Variants in RORC observed in about 807,000 individuals in gnomAD.
RORC encodes RAR related orphan receptor C.
A neutral mutation model predicts 64.5 loss-of-function variants in RORC; 13 were observed. The ratio of observed to expected loss-of-function variants is 0.20; its 90% CI spans 0.13 to 0.32. RORC has a LOEUF of 0.32. Among genes scored for constraint, RORC ranks in the 10% least tolerant of loss-of-function variants. The probability of loss-of-function intolerance (pLI) is 1.00; values close to 1 mark genes in which losing one functional copy is unlikely to be tolerated. For missense variants in RORC, 468 were observed against 669.5 expected (o/e 0.70, Z 3.32); for synonymous variants, 277 against 259.3 (o/e 1.07, Z -0.65).
At chr1:151,817,418 A>G (rs1009442892) in intron 2 of RORC, 138 bp from the exon 3 acceptor site, 2 of 642,062 alleles carry the variant, frequency 3.1e-6, no homozygotes, top group Non-Finnish European at 5.6e-6. Context: ...TCCCTCTTGC[A>G]AAATGGAAGG....
At chr1:151,819,515 A>T (rs533626738) in intron 2 of RORC, among the ~76,000 whole-genome samples, 63 of 152,274 alleles carry the variant, frequency 4.1e-4, no homozygotes, top group Middle Eastern at 3.4e-3. Context: ...GTGGCCTAAG[A>T]CCAGAGATGG....
intron 4 of RORC, among the ~76,000 whole-genome samples, chr1:151,816,018 C>T (rs1346858837): frequency 2.0e-5 from 3 of 152,208 alleles, no homozygotes; most frequent in South Asian, 2.1e-4. Context: ...TGCACCCCTG[C>T]GTGCTTCCTT....
intron 10 of RORC, among the ~76,000 whole-genome samples, chr1:151,809,380 C>G (rs1651434395): frequency 6.6e-6 from 1 of 152,020 alleles, no homozygotes; most frequent in Non-Finnish European, 1.5e-5. Flanking sequence ...GGCGACAGAG[C>G]AAGTCTGCCT....
intron 1 of RORC, 80 bp downstream of exon 1, chr1:151,831,645 C>T (rs570413955): frequency 6.2e-7 from 1 of 1,607,054 alleles, no homozygotes; most frequent in Admixed American, 1.7e-5. Context: ...TCACTTCTTG[C>T]CCAGTCTCTT....
At chr1:151,816,109 C>T (rs1387656533) in intron 4 of RORC, among the ~76,000 whole-genome samples, 1 of 152,186 alleles carries the variant, frequency 6.6e-6, no homozygotes, top group Non-Finnish European at 1.5e-5. Flanking sequence ...CCAGCTCCAC[C>T]CTAGGCTCCT....
Position 151,830,569 on chromosome 1 carries a change from G to A in RORC, c.41-1111C>T, listed in dbSNP as rs2101680370. 6.8e-6 allele frequency among the ~76,000 whole-genome samples: 1 copy of A among 146,638 alleles called. No individual in the cohort carries two copies. Among genetic ancestry groups the A allele is most frequent in the East Asian group, 2.0e-4 (1 of 4,928 alleles). Reference sequence around the variant, plus strand: ...ACCCCCTATAGCTTCCCTAACCTCTGACTCTATTCTGTTATTTTTTTCCTT... The same window carrying A: ...ACCCCCTATAGCTTCCCTAACCTCTAACTCTATTCTGTTATTTTTTTCCTT... On this transcript the variant is annotated intron_variant, in intron 1 of 10. Transcript: ENST00000318247. This position sits in a 1 kb window ranked among gnomAD's most constrained non-coding sequence, Gnocchi z 4.0.
intron 10 of RORC, among the ~76,000 whole-genome samples, chr1:151,809,244 C>A (rs1028728917): frequency 6.6e-6 from 1 of 151,664 alleles, no homozygotes; most frequent in Admixed American, 6.6e-5. Flanking sequence ...ACTAAAAATA[C>A]AAAAATTAGC....
chr1:151,817,966 C>T (rs760190636), intron 2 of RORC, among the ~76,000 whole-genome samples: 2 of 152,250 alleles, frequency 1.3e-5, no homozygotes, highest in Non-Finnish European at 2.9e-5. Flanking sequence ...GCTTTGTGTA[C>T]ATCCGTGTGT....
intron 10 of RORC, among the ~76,000 whole-genome samples, chr1:151,810,939 T>C (rs775711534): frequency 6.6e-6 from 1 of 152,178 alleles, no homozygotes; most frequent in Non-Finnish European, 1.5e-5. Context: ...TTATATCACA[T>C]ACCACATTCT....
chr1:151,806,246 G>A lies in RORC; in HGVS notation c.*1226C>T, dbSNP rs1242704968. On this transcript the variant is annotated 3_prime_UTR_variant, in exon 11 of 11. Coordinates refer to ENST00000318247, the MANE Select transcript of RORC (RefSeq NM_005060.4). ...CACAGCTGTTTATGAAGCCAAGAGA[G>A]GTTCTGGGCAAGATCACAGCTGGGG... 4 of 153,520 alleles carry A rather than the reference G, an allele frequency of 2.6e-5. No individual in the cohort carries two copies. In the South Asian group the frequency reaches 6.2e-4, roughly 24 times the overall value. The allele number at this position is 153,520 out of a possible 1,614,324, so 9.5% of individuals were successfully genotyped here.
Position 151,812,962 on chromosome 1 carries a change from C to T in RORC, c.1270G>A (p.Val424Ile), listed in dbSNP as rs778439384. 1 of 1,612,458 alleles carries T rather than the reference C, an allele frequency of 6.2e-7. No homozygotes were observed. Among genetic ancestry groups the T allele is most frequent in the South Asian group, 1.1e-5 (1 of 91,032 alleles). Residue 424 changes from valine (V) to isoleucine (I), a missense_variant, in exon 9 of 11, where the codon GTT becomes ATT. Around this residue, in one of 5 missense-constraint regions of RORC, gnomAD observed 93 missense variants for 116.6 expected, o/e 0.80. Coordinates refer to ENST00000318247, the MANE Select transcript of RORC (RefSeq NM_005060.4). ...EDEIALYTAL[V>I]LINAHRPGLQ... ...CAACACTCACGGGCATTGATGAGAA[C>T]AAGGGCTGTGTAGAGGGCAATCTCA...
At chr1:151,814,307 A>G (rs1026322982) in intron 6 of RORC, 1 of 384,742 alleles carries the variant, frequency 2.6e-6, no homozygotes, top group Non-Finnish European at 4.7e-6. Flanking sequence ...AGGGTGCACC[A>G]AGGTCTGCAT....
rs1202847381 is a variant in RORC at position 151,814,992 on chromosome 1, C to G, written c.732G>C (p.Leu244=). ...TGCCGTAGCTGTCTGGGCCCTGTCC[C>G]AGTTCCCCAAGCCCAGGATGCCTGT... The part of the protein sequence containing the change: ...EEHRHPGLGE[L]GQGPDSYGSP... The change falls in exon 5 of 11, where the codon CTG becomes CTC. Residue 244 remains leucine, a synonymous_variant. Coordinates refer to ENST00000318247, the MANE Select transcript of RORC (RefSeq NM_005060.4). 2 of 1,614,192 alleles carry G rather than the reference C, an allele frequency of 1.2e-6. No individual in the cohort carries two copies. The highest frequency in any genetic ancestry group is 4.5e-5 in the East Asian group (2 of 44,890).
chr1:151,826,094 A>T, intron 2 of RORC: 1 of 1,449,316 alleles, frequency 6.9e-7, no homozygotes, highest in Non-Finnish European at 9.1e-7. Flanking sequence ...GTGCTTCTGG[A>T]CTGGGGGGTT....
chr1:151,811,641 G>A, intron 9 of RORC: 1 of 420,136 alleles, frequency 2.4e-6, no homozygotes, highest in East Asian at 3.6e-5. Context: ...AGAGATGAAA[G>A]GTATGAGAAT....
chr1:151,817,338 A>C, intron 2 of RORC, 58 bp from the exon 3 acceptor site: 1 of 1,205,094 alleles, frequency 8.3e-7, no homozygotes, highest in Non-Finnish European at 1.2e-6. Flanking sequence ...TTCAACCACC[A>C]TGTACCTGGG....
chr1:151,831,698 C>T (rs200106580), intron 1 of RORC, 27 bp downstream of exon 1: 1 of 1,610,976 alleles, frequency 6.2e-7, no homozygotes. Context: ...TCTCTTCCAC[C>T]TGCAGGCAGG....
intron 4 of RORC, among the ~76,000 whole-genome samples, chr1:151,815,875 C>A (rs892022010): frequency 6.6e-6 from 1 of 152,198 alleles, no homozygotes; most frequent in African/African-American, 2.4e-5. Context: ...GACCTAGATA[C>A]TCACCACAGC....
At chr1:151,810,676 C>T (rs1193449264) in intron 10 of RORC, among the ~76,000 whole-genome samples, 4 of 152,146 alleles carry the variant, frequency 2.6e-5, no homozygotes, top group South Asian at 2.1e-4. Context: ...GGTCTACAGG[C>T]GCCTGCCACC....
Sources: allele counts gnomAD v4.1 joint callset (sites outside exome capture counted in the v4.1 genomes callset), GRCh38; gene constraint gnomAD v4.1.1; regional missense constraint gnomAD v4.1.1; non-coding constraint Gnocchi (gnomAD v3.1); transcripts MANE v1.5; gene names NCBI Gene and HGNC (gene_info 2026-07-23, HGNC 2026-07-21).